The following TAF13 variants were observed in gnomAD, a reference collection of about 807,000 sequenced individuals.
The protein encoded by TAF13 is TATA-box binding protein associated factor 13, also known as transcription initiation factor TFIID subunit 13.
TAF13 carries 9 observed loss-of-function variants against 18.7 expected under a neutral mutation model. The observed-to-expected ratio is 0.48, with a 90% confidence interval of 0.29 to 0.84. The LOEUF is 0.84. Ranked by LOEUF, TAF13 falls within the 40% of genes least tolerant of loss-of-function variation. TAF13 has a pLI of 0.08. For synonymous variants in TAF13, 49 were observed against 44.1 expected (o/e 1.11, Z -0.44); for missense variants, 105 against 146.5 (o/e 0.72, Z 1.46).
At chr1:109,064,990 A>G (rs1412056664) in intron 3 of TAF13, among the ~76,000 whole-genome samples, 4 of 152,120 alleles carry the variant, frequency 2.6e-5, no homozygotes, top group Admixed American at 6.6e-5. Context: ...CTTCATTTAT[A>G]TAAAATAATT....
chr1:109,064,444 T>A lies in TAF13; in HGVS notation c.*79A>T. On this transcript the variant is annotated 3_prime_UTR_variant, in exon 4 of 4. Coordinates refer to ENST00000338366, the MANE Select transcript of TAF13 (RefSeq NM_005645.4). The stretch of plus-strand genomic sequence containing the variant: ...CATCTTTCATTTACATGGCTAGATA[T>A]CAGAATCTTACTTTAGAAAATATAC... 8.1e-7 allele frequency: 1 copy of A among 1,233,276 alleles called. No homozygotes were observed. Among genetic ancestry groups the A allele is most frequent in the Non-Finnish European group, 1.1e-6 (1 of 947,352 alleles). 76.4% of individuals were successfully genotyped at this position (1,233,276 alleles called of 1,614,324 possible). A position where few individuals can be genotyped will look rare whatever the true frequency, so the allele number is the denominator to read the frequency against.
intron 1 of TAF13, 41 bp downstream of exon 1, chr1:109,075,880 A>T: frequency 6.2e-7 from 1 of 1,614,026 alleles, no homozygotes; most frequent in Non-Finnish European, 8.5e-7. Flanking sequence ...AGCCCGAAGG[A>T]GTGAAGAAAA....
At chr1:109,073,619 G>A (rs1223213261) in intron 2 of TAF13, among the ~76,000 whole-genome samples, 1 of 151,538 alleles carries the variant, frequency 6.6e-6, no homozygotes, top group African/African-American at 2.4e-5. Flanking sequence ...TGCCCGCCTC[G>A]GCCTCCCGAG....
rs1664065253 is a variant in TAF13 at position 109,071,960 on chromosome 1, ATATATATATATATATACACACATATAT to A, written c.106+3000_106+3026del. On this transcript the variant is annotated intron_variant, in intron 2 of 3. Coordinates refer to ENST00000338366, the MANE Select transcript of TAF13 (RefSeq NM_005645.4). ...TGAGACTCTGTCTCAAAAAGAAAAT[ATATATATATATATATACACACATATAT>A]ATATATATATATATATATATATATA... Among the ~76,000 whole-genome samples the A allele has an allele frequency of 2.3e-3, 11 of 4,790 alleles. 2 individuals are homozygous for A. In the South Asian group the frequency reaches 0.024, roughly 10 times the overall value. 3.1% of individuals were successfully genotyped at this position (4,790 alleles called of 152,430 possible).
intron 2 of TAF13, among the ~76,000 whole-genome samples, chr1:109,071,239 A>C (rs1664045286): frequency 6.6e-6 from 1 of 152,042 alleles, no homozygotes; most frequent in Non-Finnish European, 1.5e-5. Context: ...TCAGGAGTTC[A>C]ACACCAGCCT....
chr1:109,075,215 G>C (rs1571301221), intron 1 of TAF13, 150 bp from the exon 2 acceptor site: 1 of 663,366 alleles, frequency 1.5e-6, no homozygotes, highest in East Asian at 2.7e-5. Flanking sequence ...AGCATTGAAG[G>C]AGCCTATGTA....
At chr1:109,071,977 CACACATAT>C (rs1557985915) in intron 2 of TAF13, among the ~76,000 whole-genome samples, 7 of 6,828 alleles carry the variant, frequency 1.0e-3, no homozygotes, top group East Asian at 5.7e-3. Context: ...TATATATATA[CACACATAT>C]ATATATATAT....
At chr1:109,073,959 A>G (rs1664130742) in intron 2 of TAF13, among the ~76,000 whole-genome samples, 1 of 150,828 alleles carries the variant, frequency 6.6e-6, no homozygotes, top group Non-Finnish European at 1.5e-5. Context: ...CTGGGAGGTG[A>G]GGAGCGCCTC....
In TAF13 at chr1:109,065,547, A is replaced by G. The variant is rs1316179644; in HGVS notation, c.204+588T>C. Among the ~76,000 whole-genome samples, 17 of 106,636 alleles carry G rather than the reference A, an allele frequency of 1.6e-4. No homozygotes were observed. The South Asian group carries it at 1.7e-3, about 10-fold the overall frequency. The allele number at this position is 106,636 out of a possible 152,430, so 70.0% of individuals were successfully genotyped here. A position where few individuals can be genotyped will look rare whatever the true frequency, so the allele number is the denominator to read the frequency against. ...TCTTTAAATACTGGAAAAGGAGGGG[A>G]AAAAAAAAAACCTATGTTGGATAAT... On this transcript the variant is annotated intron_variant, in intron 3 of 3. Coordinates refer to ENST00000338366, the MANE Select transcript of TAF13 (RefSeq NM_005645.4).
intron 2 of TAF13, among the ~76,000 whole-genome samples, chr1:109,073,008 C>G (rs1361278330): frequency 6.6e-6 from 1 of 150,924 alleles, no homozygotes; most frequent in African/African-American, 2.4e-5. Flanking sequence ...GCTGGGATTA[C>G]AGACGTGAGC....
At chr1:109,065,301 C>T (rs1031425507) in intron 3 of TAF13, among the ~76,000 whole-genome samples, 6 of 151,998 alleles carry the variant, frequency 3.9e-5, no homozygotes, top group Admixed American at 3.9e-4. Context: ...CCAACCTGGG[C>T]AACATAGTGA....
intron 2 of TAF13, among the ~76,000 whole-genome samples, chr1:109,074,043 C>T (rs1351137284): frequency 6.6e-6 from 1 of 151,966 alleles, no homozygotes; most frequent in Non-Finnish European, 1.5e-5. Context: ...AGTAAGGAGC[C>T]CCTCTGCCCT....
At chr1:109,073,205 C>T (rs371324632) in intron 2 of TAF13, among the ~76,000 whole-genome samples, 29 of 152,214 alleles carry the variant, frequency 1.9e-4, no homozygotes, top group African/African-American at 6.7e-4. Flanking sequence ...GTATGTTCTT[C>T]TGCCCTAAAT....
chr1:109,065,214 G>A (rs551123859), intron 3 of TAF13, among the ~76,000 whole-genome samples: 1 of 152,326 alleles, frequency 6.6e-6, no homozygotes, highest in South Asian at 2.1e-4. Context: ...CATTGAGCCA[G>A]ACACAGTGGC....
chr1:109,066,264 C>T (rs1406301207), intron 2 of TAF13, 32 bp from the exon 3 acceptor site: 4 of 1,526,912 alleles, frequency 2.6e-6, no homozygotes, highest in Non-Finnish European at 3.6e-6. Context: ...CTTTTGTTTA[C>T]TTTTACAGAT....
intron 2 of TAF13, among the ~76,000 whole-genome samples, chr1:109,071,752 G>A (rs796950286): frequency 1.3e-5 from 2 of 151,622 alleles, no homozygotes; most frequent in South Asian, 4.2e-4. Flanking sequence ...AAGAGATCAA[G>A]ACCATCCTGG....
chr1:109,074,478 C>T (rs1664144901), intron 2 of TAF13, among the ~76,000 whole-genome samples: 1 of 152,148 alleles, frequency 6.6e-6, no homozygotes, highest in African/African-American at 2.4e-5. Context: ...AAACCAGAGA[C>T]CCTTGTTCAC....
At chr1:109,075,360 G>C (rs1373010306) in intron 1 of TAF13, among the ~76,000 whole-genome samples, 1 of 152,118 alleles carries the variant, frequency 6.6e-6, no homozygotes, top group Non-Finnish European at 1.5e-5. Context: ...TATTACTACT[G>C]TTACTGTTAA....
Position 109,067,747 on chromosome 1 carries a change from T to C in TAF13, c.107-1515A>G, listed in dbSNP as rs141787668. 1.9e-4 allele frequency among the ~76,000 whole-genome samples: 29 copies of C among 152,272 alleles called. No individual in the cohort carries two copies. In the East Asian group the frequency reaches 5.6e-3, roughly 29 times the overall value. On this transcript the variant is annotated intron_variant, in intron 2 of 3. Coordinates refer to ENST00000338366, the MANE Select transcript of TAF13 (RefSeq NM_005645.4). The stretch of plus-strand genomic sequence containing the variant: ...TATGCCAGGTACTGTCTTAAGTCCT[T>C]TACATATATAACTCATTTAATCCTC...
Sources: allele counts gnomAD v4.1 joint callset (sites outside exome capture counted in the v4.1 genomes callset), GRCh38; gene constraint gnomAD v4.1.1; transcripts MANE v1.5; gene names NCBI Gene and HGNC (gene_info 2026-07-23, HGNC 2026-07-21).